Variants in TMPRSS11F observed in about 807,000 individuals in gnomAD.
TMPRSS11F encodes transmembrane serine protease 11F, also known as transmembrane protease serine 11F.
A neutral mutation model predicts 60.2 loss-of-function variants in TMPRSS11F; 47 were observed. The observed-to-expected ratio is 0.78, with a 90% CI of 0.62 to 1.00. The LOEUF is 1.00. TMPRSS11F is among the 50% of genes least tolerant of loss of function. TMPRSS11F has a pLI of 0.00. For missense variants in TMPRSS11F, 519 were observed against 522.9 expected, an observed-to-expected ratio of 0.99 and a Z score of 0.07; for synonymous variants, 166 against 167.3, an observed-to-expected ratio of 0.99 and a Z score of 0.06.
chr4:68,056,514 AAT>A (rs1042526630), intron 9 of TMPRSS11F, among the ~76,000 whole-genome samples: 1 of 151,986 alleles, frequency 6.6e-6, no homozygotes, highest in African/African-American at 2.4e-5. Flanking sequence ...AAAACTGTAA[AAT>A]ATAGAAGAAA....
Position 68,059,483 on chromosome 4 carries a change from G to A in TMPRSS11F, c.1016-15C>T, listed in dbSNP as rs752142473. 6.2e-6 allele frequency: 10 copies of A among 1,600,956 alleles called. No homozygotes were observed. In the African/African-American group the frequency reaches 8.1e-5, roughly 13 times the overall value. On this transcript the variant is annotated splice_polypyrimidine_tract_variant and intron_variant, in intron 8 of 9. Transcript: ENST00000356291. ...TTGTATAGGTCCTATTGCACAAATG[G>A]ATAAAAAAACAAATAAACAGTATTC...
intron 1 of TMPRSS11F, among the ~76,000 whole-genome samples, chr4:68,121,721 A>AG (rs1349283213): frequency 2.6e-5 from 4 of 152,172 alleles, no homozygotes; most frequent in African/African-American, 9.6e-5. Flanking sequence ...AATCCAGTTC[A>AG]GGGGGAGGAG....
intron 9 of TMPRSS11F, among the ~76,000 whole-genome samples, chr4:68,055,979 T>C (rs1041748597): frequency 1.3e-5 from 2 of 152,124 alleles, no homozygotes; most frequent in African/African-American, 4.8e-5. Context: ...CAGGAAAAGC[T>C]TTTGAAAAAA....
At position 68,069,994 on chromosome 4, in the gene TMPRSS11F, T is replaced by G; in HGVS notation, c.528A>C (p.Lys176Asn). 6.2e-7 allele frequency: 1 copy of G among 1,604,402 alleles called. No individual in the cohort carries two copies. Among genetic ancestry groups the G allele is most frequent in the Non-Finnish European group, 8.5e-7 (1 of 1,175,004 alleles). The change falls in exon 6 of 10, where the codon AAA becomes AAC. Residue 176 changes from lysine to asparagine, a missense_variant. By Grantham distance (94) the Lys-to-Asn change is moderately conservative (BLOSUM62 0). Coordinates refer to ENST00000356291, the MANE Select transcript of TMPRSS11F (RefSeq NM_207407.2). ...PSFRLTPIDS[K>N]KMRNLLNSRC... ...GACTGTTGAGAAGATTCCTCATCTT[T>G]TTGCTGTCAATAGCTGGAATAAGCA... is the stretch of plus-strand genomic sequence containing the variant.
intron 5 of TMPRSS11F, among the ~76,000 whole-genome samples, chr4:68,071,270 A>G (rs1040661553): frequency 1.3e-5 from 2 of 152,222 alleles, no homozygotes; most frequent in South Asian, 2.1e-4. Flanking sequence ...TTGAGAATGT[A>G]ACAATATTTG....
intron 8 of TMPRSS11F, 75 bp from the exon 9 acceptor site, chr4:68,059,543 CAT>C (rs1723113905): frequency 1.4e-6 from 2 of 1,416,266 alleles, no homozygotes; most frequent in African/African-American, 2.8e-5. Context: ...ATAGAAGACA[CAT>C]AAATTGTAGC....
chr4:68,113,896 A>G (rs1306731146), intron 1 of TMPRSS11F, among the ~76,000 whole-genome samples: 1 of 152,160 alleles, frequency 6.6e-6, no homozygotes, highest in East Asian at 1.9e-4. Context: ...AACACACCTC[A>G]ACAAATTTAA....
intron 8 of TMPRSS11F, chr4:68,063,416 CA>C (rs1342284277): frequency 1.3e-5 from 5 of 370,584 alleles, no homozygotes; most frequent in Non-Finnish European, 2.6e-5. Flanking sequence ...CTTGCTCTGT[CA>C]CCAGGCTGCA....
intron 2 of TMPRSS11F, among the ~76,000 whole-genome samples, chr4:68,091,794 T>TCTATCTATCTATCTATCTAC (rs1285573438): frequency 3.4e-4 from 50 of 145,804 alleles, no homozygotes; most frequent in Middle Eastern, 7.2e-3. Flanking sequence ...TATCTATCTA[T>TCTATCTATCTATCTATCTAC]CTATCTTTTT....
intron 1 of TMPRSS11F, among the ~76,000 whole-genome samples, chr4:68,106,109 T>A (rs1724298356): frequency 6.6e-6 from 1 of 152,164 alleles, no homozygotes; most frequent in African/African-American, 2.4e-5. Context: ...ATTATGTCCA[T>A]ATCATTAAAA....
intron 1 of TMPRSS11F, among the ~76,000 whole-genome samples, chr4:68,106,398 C>G (rs998898418): frequency 6.6e-6 from 1 of 152,132 alleles, no homozygotes. Context: ...CCATCTAAGT[C>G]ATGATGACAC....
chr4:68,124,259 G>A (rs1196532949), intron 1 of TMPRSS11F, among the ~76,000 whole-genome samples: 1 of 151,410 alleles, frequency 6.6e-6, no homozygotes, highest in Non-Finnish European at 1.5e-5. Context: ...AGATAAAGCT[G>A]TAGGGGCCAA....
intron 4 of TMPRSS11F, among the ~76,000 whole-genome samples, chr4:68,073,203 A>G (rs1445171288): frequency 2.6e-5 from 4 of 152,162 alleles, no homozygotes; most frequent in Admixed American, 2.6e-4. Context: ...ATAAAAAGGA[A>G]ATAAACCTTT....
chr4:68,123,661 T>C (rs1009761691), intron 1 of TMPRSS11F, among the ~76,000 whole-genome samples: 1 of 152,018 alleles, frequency 6.6e-6, no homozygotes, highest in Non-Finnish European at 1.5e-5. Context: ...GCAAGACGAT[T>C]ATGGAAAATG....
chr4:68,092,608 C>A (rs1723966698), intron 2 of TMPRSS11F, among the ~76,000 whole-genome samples: 1 of 152,090 alleles, frequency 6.6e-6, no homozygotes, highest in Non-Finnish European at 1.5e-5. Context: ...AAGTTCCTAA[C>A]AAACACTAAA....
At chr4:68,110,582 C>T (rs1345496328) in intron 1 of TMPRSS11F, among the ~76,000 whole-genome samples, 1 of 152,110 alleles carries the variant, frequency 6.6e-6, no homozygotes, top group Admixed American at 6.6e-5. Flanking sequence ...CATTTGTGAG[C>T]AGTATGATTG....
rs141544935 is a variant in TMPRSS11F at position 68,082,926 on chromosome 4, G to C, written c.282+7597C>G. 2.3e-3 allele frequency among the ~76,000 whole-genome samples: 349 copies of C among 152,340 alleles called. 4 individuals are homozygous for C. Among genetic ancestry groups the C allele is most frequent in the Middle Eastern group, 6.8e-3 (2 of 294 alleles). ...AGCTCTGGACACCTAACAGCCCAGT[G>C]ATCTGGGTACAGAAGGCTTGGGACA... On this transcript the variant is annotated intron_variant, in intron 3 of 9. Transcript: ENST00000356291.
chr4:68,072,353 T>C lies in TMPRSS11F; in HGVS notation c.484A>G (p.Thr162Ala). ...AGTCTAAATGATGGTTTGTTTATGGTCAAAGACAATTGTTTGGTCTTCAAA... is the reference window on the plus strand; with the variant it reads ...AGTCTAAATGATGGTTTGTTTATGGCCAAAGACAATTGTTTGGTCTTCAAA... Reference protein sequence around the residue: ...QSLKTKQLSLTINKPSFRLTP... With the variant: ...QSLKTKQLSLAINKPSFRLTP... The change falls in exon 5 of 10, where the codon ACC becomes GCC. Residue 162 changes from threonine to alanine, a missense_variant. Physicochemically the swap from Thr to Ala is moderately conservative, Grantham distance 58. Coordinates refer to ENST00000356291, the MANE Select transcript of TMPRSS11F (RefSeq NM_207407.2). The C allele has an allele frequency of 1.2e-6, 2 of 1,601,646 alleles. No individual in the cohort carries two copies. Among genetic ancestry groups the C allele is most frequent in the Non-Finnish European group, 1.7e-6 (2 of 1,173,502 alleles).
intron 2 of TMPRSS11F, among the ~76,000 whole-genome samples, chr4:68,097,201 C>T (rs186548886): frequency 7.2e-5 from 11 of 152,306 alleles, no homozygotes; most frequent in Admixed American, 5.2e-4. Flanking sequence ...TAACAAATTA[C>T]TGTAGGTTTG....
Sources: gnomAD v4.1 joint callset for allele counts (sites outside exome capture counted in the v4.1 genomes callset) on GRCh38, gnomAD v4.1.1 for gene constraint, MANE v1.5 for transcripts, NCBI Gene and HGNC (gene_info 2026-07-23, HGNC 2026-07-21) for gene names.